Variants in DAB1 observed in about 807,000 individuals in gnomAD.
DAB1 encodes the protein disabled homolog 1.
Under a neutral mutation model 64.6 loss-of-function variants are expected in DAB1, and 15 were observed. The observed-to-expected ratio is 0.23, with a 90% CI of 0.16 to 0.36. The LOEUF is 0.36. Among genes scored for constraint, DAB1 ranks in the 10% least tolerant of loss-of-function variants. The pLI is 1.00. For missense variants in DAB1, 596 were observed against 706.7 expected (o/e 0.84, Z 1.78); for synonymous variants, 235 against 251.9 (o/e 0.93, Z 0.64).
chr1:57,885,041 A>G (rs1186320580), upstream of DAB1, among the ~76,000 whole-genome samples: 1 of 152,208 alleles, frequency 6.6e-6, no homozygotes, highest in Non-Finnish European at 1.5e-5. Flanking sequence ...GAGTCAAACA[A>G]ATCTCTTATC....
intron 3 of DAB1, among the ~76,000 whole-genome samples, chr1:58,393,120 C>CTTTTTT (rs34546253): frequency 6.0e-5 from 7 of 117,184 alleles, no homozygotes; most frequent in African/African-American, 1.8e-4. Context: ...ACTTCCAAAT[C>CTTTTTT]TTTTTTTTTT....
At chr1:58,432,356 T>G (rs2100242768) in intron 3 of DAB1, among the ~76,000 whole-genome samples, 1 of 152,332 alleles carries the variant, frequency 6.6e-6, no homozygotes, top group African/African-American at 2.4e-5. Flanking sequence ...TCCTAGACTC[T>G]AAGTTCCTCA....
chr1:57,130,211 T>G (rs1435386728), intron 4 of DAB1, among the ~76,000 whole-genome samples: 1 of 152,034 alleles, frequency 6.6e-6, no homozygotes, highest in African/African-American at 2.4e-5. Context: ...TAACCAATAA[T>G]GTAATATTAT....
At chr1:58,279,617 C>T (rs1051941737) in intron 4 of DAB1, among the ~76,000 whole-genome samples, 2 of 152,120 alleles carry the variant, frequency 1.3e-5, no homozygotes, top group South Asian at 2.1e-4. Flanking sequence ...AGATTTGAGC[C>T]GAGGGCACAA....
intron 2 of DAB1, among the ~76,000 whole-genome samples, chr1:57,152,091 G>A (rs1056090780): frequency 6.6e-6 from 1 of 152,196 alleles, no homozygotes; most frequent in African/African-American, 2.4e-5. Context: ...TGGCATTACA[G>A]GCATAAGCCA....
At chr1:58,275,131 T>A (rs1276633810) in intron 4 of DAB1, among the ~76,000 whole-genome samples, 2 of 152,082 alleles carry the variant, frequency 1.3e-5, no homozygotes, top group African/African-American at 4.8e-5. Flanking sequence ...TGTCCACATA[T>A]AAAAAAATAA....
intron 7 of DAB1, among the ~76,000 whole-genome samples, chr1:57,644,720 A>C (rs1385512213): frequency 6.6e-6 from 1 of 151,860 alleles, no homozygotes; most frequent in Non-Finnish European, 1.5e-5. Flanking sequence ...TTTACTAGAG[A>C]GATTTGGCCT....
At chr1:57,354,447 T>G (rs1678894123) in intron 1 of DAB1, among the ~76,000 whole-genome samples, 1 of 152,132 alleles carries the variant, frequency 6.6e-6, no homozygotes, top group Non-Finnish European at 1.5e-5. Context: ...TTGAAAGTAG[T>G]ATGACATCTT....
chr1:57,033,696 G>A, intron 9 of DAB1: 2 of 885,182 alleles, frequency 2.3e-6, no homozygotes, highest in Non-Finnish European at 3.7e-6. Context: ...GGCGGGAGCT[G>A]TTTCCAATGT....
At chr1:57,864,827 G>A (rs1231022455) in intron 1 of DAB1, 4 of 151,962 alleles carry the variant, frequency 2.6e-5, no homozygotes, top group Admixed American at 6.6e-5. Flanking sequence ...GATTACAGGT[G>A]TGAACCACTC....
chr1:58,512,791 A>T (rs1311348059), intron 2 of DAB1, among the ~76,000 whole-genome samples: 2 of 152,202 alleles, frequency 1.3e-5, no homozygotes, highest in Non-Finnish European at 2.9e-5. Context: ...ATAAAGTCTC[A>T]GTTCTGCAAA....
intron 4 of DAB1, among the ~76,000 whole-genome samples, chr1:58,286,278 C>A (rs1397876646): frequency 1.3e-5 from 2 of 152,080 alleles, no homozygotes; most frequent in Non-Finnish European, 1.5e-5. Context: ...GATGAAAACA[C>A]CAAAAGCAAT....
intron 6 of DAB1, among the ~76,000 whole-genome samples, chr1:57,783,416 A>C (rs1261245717): frequency 1.3e-5 from 2 of 152,122 alleles, no homozygotes; most frequent in Non-Finnish European, 2.9e-5. Context: ...ATAGTTTTCT[A>C]TGTCAGTCTG....
intron 5 of DAB1, among the ~76,000 whole-genome samples, chr1:58,019,855 T>C (rs1646791828): frequency 1.3e-5 from 2 of 152,214 alleles, no homozygotes; most frequent in Non-Finnish European, 2.9e-5. Flanking sequence ...GTAACCTTTG[T>C]AATCCTTTCT....
chr1:57,243,781 C>T (rs1183499518), intron 2 of DAB1, among the ~76,000 whole-genome samples: 1 of 152,180 alleles, frequency 6.6e-6, no homozygotes, highest in Non-Finnish European at 1.5e-5. Flanking sequence ...CTGGTGGTCG[C>T]TTCCCCTGCA....
chr1:57,834,643 A>G (rs1203559857), intron 1 of DAB1, among the ~76,000 whole-genome samples: 3 of 151,682 alleles, frequency 2.0e-5, no homozygotes, highest in Non-Finnish European at 2.9e-5. Flanking sequence ...TTTTATATAT[A>G]TATAAAACTG....
chr1:58,471,690 T>C (rs1215489817), intron 3 of DAB1, among the ~76,000 whole-genome samples: 1 of 152,186 alleles, frequency 6.6e-6, no homozygotes, highest in East Asian at 1.9e-4. Context: ...CCCTCTGTGC[T>C]GTTCTCGTGA....
intron 9 of DAB1, among the ~76,000 whole-genome samples, chr1:57,058,360 C>A (rs1426742364): frequency 6.6e-6 from 1 of 152,220 alleles, no homozygotes; most frequent in Non-Finnish European, 1.5e-5. Context: ...GGAAAAAGAA[C>A]TTAATGGACA....
At chr1:57,693,507 CTG>C (rs1245547719) in intron 6 of DAB1, among the ~76,000 whole-genome samples, 1 of 150,256 alleles carries the variant, frequency 6.7e-6, no homozygotes, top group Non-Finnish European at 1.5e-5. Flanking sequence ...AATCAGCACT[CTG>C]TAAAATGGAC....
Sources: allele counts gnomAD v4.1 joint callset (sites outside exome capture counted in the v4.1 genomes callset), GRCh38; gene constraint gnomAD v4.1.1; transcripts MANE v1.5; gene names NCBI Gene and HGNC (gene_info 2026-07-23, HGNC 2026-07-21).